The following UGT2A1 variants were observed in gnomAD, a reference collection of about 807,000 sequenced individuals.
UGT2A1 encodes the protein UDP-glucuronosyltransferase 2A1.
A neutral mutation model predicts 45.4 loss-of-function variants in UGT2A1; 61 were observed. The ratio of observed to expected loss-of-function variants is 1.34; its 90% confidence interval spans 1.09 to 1.66. UGT2A1 has a LOEUF of 1.66. Among genes scored for constraint, UGT2A1 ranks in the 40% most tolerant of loss-of-function variants. The pLI, the probability that UGT2A1 is intolerant of heterozygous loss-of-function variation, is 0.00. For missense variants in UGT2A1, 649 were observed against 574.3 expected (o/e 1.13, Z -1.33); for synonymous variants, 229 against 196.2 (o/e 1.17, Z -1.40).
At chr4:69,596,061 C>A (rs751839440) in intron 4 of UGT2A1, among the ~76,000 whole-genome samples, 3 of 152,136 alleles carry the variant, frequency 2.0e-5, no homozygotes, top group Non-Finnish European at 4.4e-5. Context: ...AATGCCAAGG[C>A]TCAGTAGGCA....
intron 2 of UGT2A1, among the ~76,000 whole-genome samples, chr4:69,644,901 C>A (rs1722187266): frequency 6.6e-6 from 1 of 151,802 alleles, no homozygotes; most frequent in Admixed American, 6.6e-5. Context: ...TACATATCAA[C>A]TTTACAGTTG....
intron 2 of UGT2A1, among the ~76,000 whole-genome samples, chr4:69,642,865 T>C (rs1034632715): frequency 6.6e-6 from 1 of 151,616 alleles, no homozygotes; most frequent in African/African-American, 2.4e-5. Context: ...GGTAACAATA[T>C]GTAATGCTTA....
At chr4:69,646,479 C>T (rs1003437286) in intron 2 of UGT2A1, among the ~76,000 whole-genome samples, 1 of 151,652 alleles carries the variant, frequency 6.6e-6, no homozygotes, top group Non-Finnish European at 1.5e-5. Flanking sequence ...TCTTTATGAG[C>T]CTTAATATTT....
chr4:69,629,692 A>G (rs1173630853), intron 3 of UGT2A1, among the ~76,000 whole-genome samples: 3 of 152,126 alleles, frequency 2.0e-5, no homozygotes, highest in African/African-American at 7.2e-5. Flanking sequence ...GTACAACTCT[A>G]CTGGAAGAGG....
At chr4:69,601,673 G>A (rs1719303103) in intron 3 of UGT2A1, among the ~76,000 whole-genome samples, 1 of 152,000 alleles carries the variant, frequency 6.6e-6, no homozygotes, top group Non-Finnish European at 1.5e-5. Context: ...CATTGCTAAG[G>A]CCAATAACCA....
chr4:69,639,727 T>G, intron 2 of UGT2A1: 1 of 1,311,118 alleles, frequency 7.6e-7, no homozygotes, highest in Non-Finnish European at 1.0e-6. Flanking sequence ...AGTGCGATGG[T>G]TACACTCAGT....
intron 3 of UGT2A1, among the ~76,000 whole-genome samples, chr4:69,612,799 T>C (rs1720140957): frequency 6.6e-6 from 1 of 151,690 alleles, no homozygotes; most frequent in South Asian, 2.1e-4. Context: ...TAGGATATTA[T>C]GTATTGACAT....
chr4:69,642,504 G>A (rs1014967741), intron 2 of UGT2A1, among the ~76,000 whole-genome samples: 1 of 151,758 alleles, frequency 6.6e-6, no homozygotes, highest in African/African-American at 2.4e-5. Flanking sequence ...AAAGATTCCA[G>A]TGCATTTTTT....
In UGT2A1 at chr4:69,596,319, T is replaced by C. The variant is rs769913866; in HGVS notation, c.997-1070A>G. 5 of 1,609,032 alleles carry C rather than the reference T, an allele frequency of 3.1e-6. No homozygotes were observed. The Admixed American group carries it at 8.4e-5, about 27-fold the overall frequency. ...TTTCTTCTGTAAGGTTTTTGACCAT[T>C]GATCCCAGAGAAAACACCACAACAC... is the stretch of plus-strand genomic sequence containing the variant. On this transcript the variant is annotated intron_variant, in intron 4 of 6. Transcript: ENST00000286604.
chr4:69,645,801 C>T (rs1248549395), intron 2 of UGT2A1, among the ~76,000 whole-genome samples: 2 of 151,786 alleles, frequency 1.3e-5, no homozygotes, highest in African/African-American at 2.4e-5. Flanking sequence ...GCGGTTCCGA[C>T]GTCATTAGCA....
At chr4:69,616,201 A>ATG (rs1720369218) in intron 3 of UGT2A1, among the ~76,000 whole-genome samples, 1 of 151,850 alleles carries the variant, frequency 6.6e-6, no homozygotes, top group Admixed American at 6.6e-5. Flanking sequence ...GAAGATATAG[A>ATG]GTAGAGAGAT....
chr4:69,619,518 G>A (rs183236002), intron 3 of UGT2A1, among the ~76,000 whole-genome samples: 2 of 151,852 alleles, frequency 1.3e-5, no homozygotes, highest in East Asian at 1.9e-4. Flanking sequence ...TTAAAATAAC[G>A]TTAAAGAAGA....
chr4:69,595,882 G>A (rs1253817248), intron 4 of UGT2A1, among the ~76,000 whole-genome samples: 1 of 152,122 alleles, frequency 6.6e-6, no homozygotes, highest in Non-Finnish European at 1.5e-5. Context: ...CCTGCTTTGT[G>A]TTTACACTCT....
chr4:69,636,773 C>A (rs923095619), intron 2 of UGT2A1, among the ~76,000 whole-genome samples: 2 of 152,148 alleles, frequency 1.3e-5, no homozygotes, highest in Admixed American at 6.5e-5. Context: ...AAGTATAATT[C>A]TTTATAGTTG....
chr4:69,589,254 T>C lies in UGT2A1; in HGVS notation c.*118A>G. The stretch of plus-strand genomic sequence containing the variant: ...TATCGCAGGTAGAGAAATAGAAAAT[T>C]TGGAAACAGGATGGGAGACGTGTTT... On this transcript the variant is annotated 3_prime_UTR_variant, in exon 7 of 7. Coordinates refer to ENST00000286604, the MANE Select transcript of UGT2A1 (RefSeq NM_001252275.3). 2 of 1,292,346 alleles carry C rather than the reference T, an allele frequency of 1.5e-6. No homozygotes were observed. Among genetic ancestry groups the C allele is most frequent in the Non-Finnish European group, 2.0e-6 (2 of 979,758 alleles). The allele number at this position is 1,292,346 out of a possible 1,614,324, so 80.1% of individuals were successfully genotyped here. A position where few individuals can be genotyped will look rare whatever the true frequency, so the allele number is the denominator to read the frequency against.
Position 69,647,627 on chromosome 4 carries a change from C to T in UGT2A1, c.18G>A (p.Leu6=). 6.3e-7 allele frequency: 1 copy of T among 1,579,308 alleles called. No individual in the cohort carries two copies. The highest frequency in any genetic ancestry group is 8.6e-7 in the Non-Finnish European group (1 of 1,164,802). ...TGAGACTTATCTGAAGGGAGAACAG[C>T]AGAAGGTTGTTTAACATGATGTGGC... The part of the protein sequence containing the change: MLNNL[L]LFSLQISLIG... The change falls in exon 2 of 7, where the codon CTG becomes CTA. Residue 6 remains leucine (L), a synonymous_variant. Coordinates refer to ENST00000286604, the MANE Select transcript of UGT2A1 (RefSeq NM_001252275.3).
chr4:69,594,266 G>A (rs553340423), intron 6 of UGT2A1, among the ~76,000 whole-genome samples: 3 of 152,000 alleles, frequency 2.0e-5, no homozygotes, highest in East Asian at 1.9e-4. Flanking sequence ...GAGCCACTGC[G>A]CCCGGCCAAT....
chr4:69,625,637 A>T (rs970054804), intron 3 of UGT2A1, among the ~76,000 whole-genome samples: 5 of 151,146 alleles, frequency 3.3e-5, no homozygotes, highest in Admixed American at 1.3e-4. Flanking sequence ...TTCTCATTAT[A>T]TGCTTACTTT....
At chr4:69,627,279 A>G (rs549468588) in intron 3 of UGT2A1, among the ~76,000 whole-genome samples, 1 of 151,894 alleles carries the variant, frequency 6.6e-6, no homozygotes, top group African/African-American at 2.4e-5. Context: ...TATAAAAAAA[A>G]TCAAATCCAC....
Sources: allele counts gnomAD v4.1 joint callset (sites outside exome capture counted in the v4.1 genomes callset), GRCh38; gene constraint gnomAD v4.1.1; transcripts MANE v1.5; gene names NCBI Gene and HGNC (gene_info 2026-07-23, HGNC 2026-07-21).